Variants in ST18 observed in about 807,000 individuals in gnomAD.
ST18 encodes ST18 C2H2C-type zinc finger transcription factor, also known as suppression of tumorigenicity 18 protein.
In ST18, 50 loss-of-function variants were observed where a neutral mutation model predicts 110.0. The ratio of observed to expected loss-of-function variants is 0.45; its 90% CI spans 0.36 to 0.58. The LOEUF (loss-of-function observed/expected upper bound fraction) is 0.58. Ranked by LOEUF, ST18 falls within the 20% of genes least tolerant of loss-of-function variation. ST18 has a pLI of 0.00. For missense variants in ST18, 1,306 were observed against 1,280.1 expected (o/e 1.02, Z -0.31); for synonymous variants, 461 against 452.4 (o/e 1.02, Z -0.24).
chr8:52,190,440 C>T (rs1442467218), intron 8 of ST18, among the ~76,000 whole-genome samples: 1 of 152,108 alleles, frequency 6.6e-6, no homozygotes, highest in Non-Finnish European at 1.5e-5. Context: ...GTGGACCCTA[C>T]AAGACTGATC....
At chr8:52,180,342 G>A in intron 8 of ST18, 30 bp from the exon 9 acceptor site, 2 of 1,609,446 alleles carry the variant, frequency 1.2e-6, no homozygotes, top group Non-Finnish European at 1.7e-6. Flanking sequence ...TTAAGAATAT[G>A]GTAAATTAGC....
At chr8:52,364,519 G>A (rs924368917) in intron 2 of ST18, among the ~76,000 whole-genome samples, 4 of 152,202 alleles carry the variant, frequency 2.6e-5, no homozygotes, top group Non-Finnish European at 5.9e-5. Context: ...ATACACTTCA[G>A]ACACTGTTTG....
chr8:52,249,001 T>C (rs1352382036), intron 2 of ST18, among the ~76,000 whole-genome samples: 2 of 152,132 alleles, frequency 1.3e-5, no homozygotes, highest in Non-Finnish European at 2.9e-5. Context: ...GCAGTAAGAC[T>C]AACTAAATTT....
At chr8:52,147,269 C>T (rs16917314) in intron 16 of ST18, among the ~76,000 whole-genome samples, 32,981 of 151,952 alleles carry the variant, frequency 0.22, 4,397 homozygotes, top group African/African-American at 0.38. Context: ...CAAGATGAAT[C>T]CAGATGATTT....
intron 2 of ST18, among the ~76,000 whole-genome samples, chr8:52,373,979 G>A (rs564467242): frequency 9.2e-5 from 14 of 152,056 alleles, no homozygotes; most frequent in African/African-American, 2.4e-4. Context: ...AACAGTTTTC[G>A]CCATCATTCT....
chr8:52,216,352 A>C (rs775904156), intron 6 of ST18, among the ~76,000 whole-genome samples: 1 of 152,040 alleles, frequency 6.6e-6, no homozygotes, highest in Non-Finnish European at 1.5e-5. Flanking sequence ...TGGTCTCATA[A>C]TTGTGTTCTG....
intron 15 of ST18, among the ~76,000 whole-genome samples, chr8:52,155,327 A>C (rs139567524): frequency 6.6e-6 from 1 of 152,196 alleles, no homozygotes; most frequent in Non-Finnish European, 1.5e-5. Flanking sequence ...TTCCTCAAAG[A>C]GATACTTAAA....
chr8:52,378,935 C>G (rs1245087233), intron 2 of ST18, among the ~76,000 whole-genome samples: 1 of 152,122 alleles, frequency 6.6e-6, no homozygotes, highest in Non-Finnish European at 1.5e-5. Flanking sequence ...TCATTATGAG[C>G]TGCTGCAAGC....
chr8:52,182,612 G>T (rs756591417), intron 8 of ST18, among the ~76,000 whole-genome samples: 1 of 152,138 alleles, frequency 6.6e-6, no homozygotes, highest in African/African-American at 2.4e-5. Context: ...AATCAGAGTG[G>T]GATGGTGGTT....
At chr8:52,347,391 T>C (rs1035082249) in intron 2 of ST18, among the ~76,000 whole-genome samples, 3 of 152,182 alleles carry the variant, frequency 2.0e-5, no homozygotes, top group African/African-American at 7.2e-5. Context: ...CAGAGGCGCT[T>C]ATACTCGTCT....
chr8:52,180,823 G>A (rs189464103), intron 8 of ST18, among the ~76,000 whole-genome samples: 17 of 152,320 alleles, frequency 1.1e-4, no homozygotes, highest in Admixed American at 9.8e-4. Context: ...GAGCAAGGGG[G>A]CTAGCTATGA....
intron 8 of ST18, among the ~76,000 whole-genome samples, chr8:52,199,929 G>T (rs994208983): frequency 6.6e-6 from 1 of 152,150 alleles, no homozygotes; most frequent in Non-Finnish European, 1.5e-5. Context: ...CAGCCAGAAG[G>T]AGCTGCTCAT....
intron 13 of ST18, among the ~76,000 whole-genome samples, chr8:52,162,948 T>A (rs1460640140): frequency 2.6e-5 from 4 of 152,228 alleles, no homozygotes; most frequent in Non-Finnish European, 5.9e-5. Flanking sequence ...AACTAGTTGA[T>A]CTTATTGCCT....
intron 2 of ST18, among the ~76,000 whole-genome samples, chr8:52,244,504 T>A (rs187910593): frequency 4.3e-3 from 655 of 152,180 alleles, no homozygotes; most frequent in Non-Finnish European, 7.9e-3. Context: ...AGGAAAAAAA[T>A]TCCCAAATAC....
intron 2 of ST18, among the ~76,000 whole-genome samples, chr8:52,336,744 T>C (rs910356074): frequency 2.0e-5 from 3 of 152,218 alleles, no homozygotes; most frequent in Admixed American, 6.5e-5. Flanking sequence ...ACAGAAAATA[T>C]ACAAACACTG....
intron 2 of ST18, among the ~76,000 whole-genome samples, chr8:52,319,082 T>G (rs917879027): frequency 7.2e-5 from 11 of 152,108 alleles, no homozygotes; most frequent in Non-Finnish European, 1.3e-4. Context: ...CCCCTGAACT[T>G]AAAATAAAAG....
At chr8:52,388,636 A>G (rs1045406348) in intron 2 of ST18, among the ~76,000 whole-genome samples, 1 of 151,920 alleles carries the variant, frequency 6.6e-6, no homozygotes, top group Non-Finnish European at 1.5e-5. Flanking sequence ...GTCAGCAGGA[A>G]TGAGTGTCAC....
intron 2 of ST18, among the ~76,000 whole-genome samples, chr8:52,245,595 A>C (rs1564292583): frequency 6.6e-6 from 1 of 152,060 alleles, no homozygotes; most frequent in Non-Finnish European, 1.5e-5. Flanking sequence ...TTTCATTCTA[A>C]TTTTTTTATA....
At chr8:52,319,985 A>G (rs1003680092) in intron 2 of ST18, among the ~76,000 whole-genome samples, 1 of 152,220 alleles carries the variant, frequency 6.6e-6, no homozygotes, top group African/African-American at 2.4e-5. Flanking sequence ...CACTACAGCC[A>G]TACTTTACTG....
Sources: gnomAD v4.1 joint callset for allele counts (sites outside exome capture counted in the v4.1 genomes callset) on GRCh38, gnomAD v4.1.1 for gene constraint, MANE v1.5 for transcripts, NCBI Gene and HGNC (gene_info 2026-07-23, HGNC 2026-07-21) for gene names.